The following CDON variants were observed in gnomAD, a reference collection of about 807,000 sequenced individuals.
CDON encodes the protein cell adhesion molecule-related/down-regulated by oncogenes.
CDON carries 73 observed loss-of-function variants against 120.9 expected under a neutral mutation model. The ratio of observed to expected loss-of-function variants is 0.60; its 90% CI spans 0.50 to 0.73. The LOEUF (loss-of-function observed/expected upper bound fraction) is 0.73. Among genes scored for constraint, CDON ranks in the 30% least tolerant of loss-of-function variants. The pLI is 0.00. For missense variants in CDON, 1,470 were observed against 1,587.3 expected (o/e 0.93, Z 1.26); for synonymous variants, 566 against 573.5 (o/e 0.99, Z 0.19).
At chr11:126,020,904 C>G (rs1947614181) in intron 3 of CDON, among the ~76,000 whole-genome samples, 1 of 151,866 alleles carries the variant, frequency 6.6e-6, no homozygotes, top group Non-Finnish European at 1.5e-5. Flanking sequence ...TTAATGATAT[C>G]ATGGATTTCC....
At chr11:126,011,962 GATCTGC>G (rs1329447942) in intron 7 of CDON, among the ~76,000 whole-genome samples, 2 of 152,176 alleles carry the variant, frequency 1.3e-5, no homozygotes, top group Non-Finnish European at 2.9e-5. Context: ...CCTCCCTGCT[GATCTGC>G]AATGCCGGCT....
In CDON at chr11:126,010,392, C is replaced by T. The variant is rs761054118; in HGVS notation, c.1501G>A (p.Glu501Lys). Reference sequence around the variant, plus strand: ...GTGGTACCATGTTCATTTGCAGCTTCGCAGATGTATTTCCCCGCATGTTCC... The same window carrying T: ...GTGGTACCATGTTCATTTGCAGCTTTGCAGATGTATTTCCCCGCATGTTCC... ...TQEHAGKYIC[E>K]AANEHGTTQA... Residue 501 changes from glutamate (E) to lysine (K), a missense_variant, in exon 8 of 20, where the codon GAA becomes AAA. Physicochemically the swap from Glu to Lys is moderately conservative, Grantham distance 56. Transcript: ENST00000531738. 22 of 1,613,824 alleles carry T rather than the reference C, an allele frequency of 1.4e-5. No homozygotes were observed. The highest frequency in any genetic ancestry group is 8.0e-5 in the African/African-American group (6 of 74,932).
chr11:126,005,945 C>T lies in CDON; in HGVS notation c.1665G>A (p.Pro555=), dbSNP rs537471531. 2.4e-5 allele frequency: 39 copies of T among 1,614,082 alleles called. No individual in the cohort carries two copies. Among genetic ancestry groups the T allele is most frequent in the South Asian group, 2.1e-4 (19 of 91,080 alleles). Residue 555 remains proline, a synonymous_variant, in exon 9 of 20, where the codon CCG becomes CCA. Coordinates refer to ENST00000531738, the MANE Select transcript of CDON (RefSeq NM_001378964.1). ...GSETGLLSSF[P]VKVHPSAVES... is the part of the protein sequence containing the mutation. ...CCACTGCACTGGGATGGACCTTCACCGGAAATGAGCTCAGTAACCCAGTTT... is the reference window on the plus strand; with the variant it reads ...CCACTGCACTGGGATGGACCTTCACTGGAAATGAGCTCAGTAACCCAGTTT...
chr11:126,057,281 G>T (rs891346806), intron 1 of CDON, among the ~76,000 whole-genome samples: 2 of 152,220 alleles, frequency 1.3e-5, no homozygotes, highest in Non-Finnish European at 2.9e-5. Context: ...CCAATAAAAT[G>T]AATTATTATG....
chr11:126,011,017 T>C (rs1947288530), intron 7 of CDON: 1 of 423,480 alleles, frequency 2.4e-6, no homozygotes, highest in Admixed American at 3.0e-5. Flanking sequence ...CATATAAGGT[T>C]GAAACCTCAG....
At chr11:125,997,442 A>G (rs764488899) in intron 11 of CDON, 32 bp from the exon 12 acceptor site, 1 of 1,450,882 alleles carries the variant, frequency 6.9e-7, no homozygotes, top group East Asian at 2.3e-5. Context: ...TCAATAACCC[A>G]CCATGTCAGA....
chr11:126,037,617 C>T (rs1221911787), intron 1 of CDON, among the ~76,000 whole-genome samples: 2 of 152,190 alleles, frequency 1.3e-5, no homozygotes, highest in African/African-American at 4.8e-5. Flanking sequence ...ACATCTTCAA[C>T]TCTTGTATAG....
At chr11:125,987,674 A>G (rs1421483421) in intron 15 of CDON, among the ~76,000 whole-genome samples, 1 of 152,224 alleles carries the variant, frequency 6.6e-6, no homozygotes, top group African/African-American at 2.4e-5. Flanking sequence ...AATAACAGTT[A>G]TAATGTTTTA....
chr11:125,963,019 A>T lies in CDON; in HGVS notation c.3357-1021T>A, dbSNP rs1178208278. Among the ~76,000 whole-genome samples, 7 of 152,042 alleles carry T rather than the reference A, an allele frequency of 4.6e-5. No homozygotes were observed. In the East Asian group the frequency reaches 9.7e-4, roughly 21 times the overall value. On this transcript the variant is annotated intron_variant, in intron 18 of 19. Transcript: ENST00000531738. ...CTTCACATATATAATAATTTTTTTT[A>T]AACTAGATTTTCCTTTTAATTTTCT... is the stretch of plus-strand genomic sequence containing the variant.
At chr11:125,978,447 C>T (rs1946204855) in intron 17 of CDON, 64 bp from the exon 18 acceptor site, 1 of 1,014,290 alleles carries the variant, frequency 9.9e-7, no homozygotes, top group Non-Finnish European at 1.5e-6. Context: ...ACTCACAGAC[C>T]AGTAGCCAAA....
Position 125,979,263 on chromosome 11 carries a change from C to A in CDON, c.3277-880G>T, listed in dbSNP as rs559614751. Among the ~76,000 whole-genome samples, 20 of 152,284 alleles carry A rather than the reference C, an allele frequency of 1.3e-4. No homozygotes were observed. In the East Asian group the frequency reaches 2.3e-3, roughly 18 times the overall value. On this transcript the variant is annotated intron_variant, in intron 17 of 19. Transcript: ENST00000531738. ...GAATACTTTCCATTTCCATTCATTT[C>A]ATAACAGTAGCCAGAATCTAAGCAA...
At chr11:126,040,991 C>G (rs1948246792) in intron 1 of CDON, among the ~76,000 whole-genome samples, 1 of 151,500 alleles carries the variant, frequency 6.6e-6, no homozygotes, top group Non-Finnish European at 1.5e-5. Context: ...GAGTTCCAGA[C>G]CAGCCTGACC....
At chr11:126,026,967 A>G (rs925446095) in intron 1 of CDON, among the ~76,000 whole-genome samples, 1 of 152,156 alleles carries the variant, frequency 6.6e-6, no homozygotes, top group African/African-American at 2.4e-5. Context: ...CTAGTGCATG[A>G]CCTACTCAGT....
chr11:126,010,211 C>T lies in CDON; in HGVS notation c.1552+130G>A, dbSNP rs927995600. On this transcript the variant is annotated intron_variant, in intron 8 of 19. Transcript: ENST00000531738. Reference sequence around the variant, plus strand: ...TGAAATACCAAGAAATACAGTTCTACATTTCACTGTCATCAGGAAAAAATA... The same window carrying T: ...TGAAATACCAAGAAATACAGTTCTATATTTCACTGTCATCAGGAAAAAATA... The T allele has an allele frequency of 5.6e-6, 4 of 711,332 alleles. No individual in the cohort carries two copies. The African/African-American group carries it at 7.2e-5, about 13-fold the overall frequency. The allele number at this position is 711,332 out of a possible 1,614,324, so 44.1% of individuals were successfully genotyped here.
At chr11:126,022,551 A>ATAGT (rs1209453863) in intron 2 of CDON, among the ~76,000 whole-genome samples, 4 of 152,178 alleles carry the variant, frequency 2.6e-5, no homozygotes, top group Admixed American at 6.5e-5. Context: ...GGGGGAAGAA[A>ATAGT]TAGTTGTTAA....
At chr11:125,991,131 C>G (rs1464189829) in intron 14 of CDON, among the ~76,000 whole-genome samples, 1 of 152,116 alleles carries the variant, frequency 6.6e-6, no homozygotes, top group Non-Finnish European at 1.5e-5. Flanking sequence ...TGGCATTAAA[C>G]TAGGCTTCTG....
chr11:125,993,249 C>T (rs989058770), intron 14 of CDON, among the ~76,000 whole-genome samples: 2 of 152,134 alleles, frequency 1.3e-5, no homozygotes, highest in African/African-American at 4.8e-5. Context: ...GGCCACCTCA[C>T]CACTGTAGGG....
At position 126,020,669 on chromosome 11, in the gene CDON, C is replaced by T. The variant is rs1947607840; in HGVS notation, c.349+579G>A. Reference sequence around the variant, plus strand: ...CTGGAAGCCATCACCGTTTGAAACGCAGATGGCTCCAACTTACTAAGAAAA... The same window carrying T: ...CTGGAAGCCATCACCGTTTGAAACGTAGATGGCTCCAACTTACTAAGAAAA... On this transcript the variant is annotated intron_variant, in intron 3 of 19. Coordinates refer to ENST00000531738, the MANE Select transcript of CDON (RefSeq NM_001378964.1). Among the ~76,000 whole-genome samples the T allele has an allele frequency of 2.0e-5, 3 of 152,230 alleles. No homozygotes were observed. The South Asian group carries it at 6.2e-4, about 31-fold the overall frequency.
chr11:126,057,598 A>G lies in CDON; in HGVS notation c.-62+4981T>C, dbSNP rs77915153. ...CTTTCTAAGGCCAAGGAAATGTTCT[A>G]TATCTCCATCTGGGTACTGGTTACC... On this transcript the variant is annotated intron_variant, in intron 1 of 19. Transcript: ENST00000531738. Among the ~76,000 whole-genome samples the G allele has an allele frequency of 6.5e-4, 99 of 152,306 alleles. No individual in the cohort carries two copies. In the East Asian group the frequency reaches 0.015, roughly 23 times the overall value.
Sources: allele counts gnomAD v4.1 joint callset (sites outside exome capture counted in the v4.1 genomes callset), GRCh38; gene constraint gnomAD v4.1.1; transcripts MANE v1.5; gene names NCBI Gene and HGNC (gene_info 2026-07-23, HGNC 2026-07-21).